NAALADL2: variants seen among roughly 807,000 people sequenced by gnomAD.
NAALADL2 encodes the protein N-acetylated alpha-linked acidic dipeptidase like 2.
Under a neutral mutation model 87.2 loss-of-function variants are expected in NAALADL2, and 76 were observed. That is an observed-to-expected ratio of 0.87 (90% confidence interval 0.72 to 1.05). The LOEUF (loss-of-function observed/expected upper bound fraction) is 1.05, where lower values mean the gene tolerates loss of function less well. NAALADL2 is among the 50% of genes least tolerant of loss of function. The pLI is 0.00. For synonymous variants in NAALADL2, 354 were observed against 331.0 expected, an observed-to-expected ratio of 1.07 and a Z score of -0.75; for missense variants, 1,089 against 945.8, an observed-to-expected ratio of 1.15 and a Z score of -1.99.
At position 175,807,288 on chromosome 3, in the gene NAALADL2, ATAG is replaced by A. The variant is rs1170903076; in HGVS notation, c.*4088_*4090del. On this transcript the variant is annotated 3_prime_UTR_variant, in exon 14 of 14. Coordinates refer to ENST00000454872, the MANE Select transcript of NAALADL2 (RefSeq NM_207015.3). ...TTTAAATTAAATAAACGTAGAGCAT[ATAG>A]TAAGTTTCCCCACAGGAAAGACAGA... The A allele has an allele frequency of 6.6e-6, 1 of 151,988 alleles. No individual in the cohort carries two copies. Among genetic ancestry groups the A allele is most frequent in the East Asian group, 1.9e-4 (1 of 5,186 alleles). 9.4% of individuals were successfully genotyped at this position (151,988 alleles called of 1,614,324 possible).
chr3:175,655,061 A>G (rs575774567), intron 11 of NAALADL2, among the ~76,000 whole-genome samples: 1 of 152,228 alleles, frequency 6.6e-6, no homozygotes, highest in Admixed American at 6.5e-5. Flanking sequence ...CAAAATTATT[A>G]CAATAGGATA....
intron 2 of NAALADL2, among the ~76,000 whole-genome samples, chr3:175,231,841 C>T (rs1390942888): frequency 6.6e-6 from 1 of 152,018 alleles, no homozygotes; most frequent in Non-Finnish European, 1.5e-5. Flanking sequence ...ATTGGTTCAC[C>T]TTTGTAAATG....
chr3:174,896,668 C>G (rs1003836088), intron 1 of NAALADL2, among the ~76,000 whole-genome samples: 2 of 151,990 alleles, frequency 1.3e-5, no homozygotes, highest in Admixed American at 6.6e-5. Context: ...CAAAACAATC[C>G]TAAAATTTAT....
intron 4 of NAALADL2, among the ~76,000 whole-genome samples, chr3:175,294,984 A>ATTT (rs1435626089): frequency 6.6e-6 from 1 of 152,142 alleles, no homozygotes; most frequent in Non-Finnish European, 1.5e-5. Context: ...TAGTTCCTCT[A>ATTT]TGCTTCTGTT....
At chr3:174,630,276 T>G (rs1721981894) in intron 2 of NAALADL2, among the ~76,000 whole-genome samples, 1 of 152,162 alleles carries the variant, frequency 6.6e-6, no homozygotes, top group South Asian at 2.1e-4. Flanking sequence ...TTTGCCTTTT[T>G]GAGAAAGGGC....
At chr3:175,050,456 T>C (rs1267581767) in intron 1 of NAALADL2, among the ~76,000 whole-genome samples, 5 of 152,110 alleles carry the variant, frequency 3.3e-5, no homozygotes, top group Non-Finnish European at 7.4e-5. Flanking sequence ...GAGACAGGGT[T>C]TTGCCATGTT....
intron 11 of NAALADL2, among the ~76,000 whole-genome samples, chr3:175,641,092 T>A (rs957228703): frequency 6.6e-6 from 1 of 152,188 alleles, no homozygotes; most frequent in Admixed American, 6.5e-5. Context: ...TTTTCTGACT[T>A]CATCTTCCAT....
intron 11 of NAALADL2, among the ~76,000 whole-genome samples, chr3:175,726,646 C>A (rs1437069465): frequency 6.6e-6 from 1 of 152,110 alleles, no homozygotes; most frequent in Non-Finnish European, 1.5e-5. Flanking sequence ...TTTCTATTGG[C>A]GGTCTTGTCT....
chr3:175,628,617 G>GTA (rs34276529), intron 11 of NAALADL2, among the ~76,000 whole-genome samples: 22,379 of 139,112 alleles, frequency 0.16, 1,920 homozygotes, highest in Middle Eastern at 0.23. Context: ...CTCTCTCTAT[G>GTA]TATATATATA....
intron 10 of NAALADL2, among the ~76,000 whole-genome samples, chr3:175,623,575 G>A (rs920546829): frequency 6.6e-6 from 1 of 152,014 alleles, no homozygotes; most frequent in African/African-American, 2.4e-5. Flanking sequence ...TAACTGGGTG[G>A]GCTCAAAATC....
At chr3:175,590,588 A>G (rs1423169008) in intron 10 of NAALADL2, among the ~76,000 whole-genome samples, 1 of 152,114 alleles carries the variant, frequency 6.6e-6, no homozygotes, top group East Asian at 1.9e-4. Context: ...GCAGATCAAC[A>G]TGATCAAATT....
At chr3:174,775,459 T>C (rs193112732) in intron 3 of NAALADL2, among the ~76,000 whole-genome samples, 6 of 152,308 alleles carry the variant, frequency 3.9e-5, no homozygotes, top group Admixed American at 3.3e-4. Context: ...ATCCATGATA[T>C]AGCATGTATC....
intron 1 of NAALADL2, among the ~76,000 whole-genome samples, chr3:175,032,883 T>C (rs1180394435): frequency 1.3e-5 from 2 of 152,022 alleles, no homozygotes; most frequent in Non-Finnish European, 2.9e-5. Flanking sequence ...ATCACTGCTT[T>C]CAACTATAGC....
chr3:174,605,377 G>A (rs1309143960), intron 2 of NAALADL2, among the ~76,000 whole-genome samples: 2 of 152,188 alleles, frequency 1.3e-5, no homozygotes, highest in Non-Finnish European at 2.9e-5. Context: ...TGCCTCACTC[G>A]GGAAGCACAA....
chr3:174,892,711 C>T (rs1164456826), intron 1 of NAALADL2, among the ~76,000 whole-genome samples: 2 of 151,852 alleles, frequency 1.3e-5, no homozygotes, highest in Non-Finnish European at 2.9e-5. Context: ...ATTGCCTGAG[C>T]TCAGGAGTTC....
chr3:175,233,283 A>G (rs757795093), intron 2 of NAALADL2, among the ~76,000 whole-genome samples: 4 of 152,210 alleles, frequency 2.6e-5, no homozygotes, highest in Non-Finnish European at 5.9e-5. Context: ...AAATGTCTCA[A>G]CTGGAATGAC....
intron 1 of NAALADL2, among the ~76,000 whole-genome samples, chr3:174,958,374 A>G (rs989161112): frequency 1.3e-5 from 2 of 151,902 alleles, no homozygotes; most frequent in African/African-American, 4.8e-5. Context: ...CTCCAAGTGG[A>G]AAAAAGATCA....
At chr3:175,323,802 G>T (rs1760283200) in intron 4 of NAALADL2, among the ~76,000 whole-genome samples, 1 of 151,868 alleles carries the variant, frequency 6.6e-6, no homozygotes, top group South Asian at 2.1e-4. Flanking sequence ...CGGATCACGA[G>T]GTCAGGCGAT....
At chr3:175,393,422 C>A (rs967372233) in intron 5 of NAALADL2, among the ~76,000 whole-genome samples, 32 of 144,660 alleles carry the variant, frequency 2.2e-4, no homozygotes, top group Middle Eastern at 8.3e-3. Flanking sequence ...TTATGATTAT[C>A]TTTGAAATCA....
Sources: gnomAD v4.1 joint callset for allele counts (sites outside exome capture counted in the v4.1 genomes callset) on GRCh38, gnomAD v4.1.1 for gene constraint, MANE v1.5 for transcripts, NCBI Gene and HGNC (gene_info 2026-07-23, HGNC 2026-07-21) for gene names.